The following STPG2 variants were observed in gnomAD, a reference collection of about 807,000 sequenced individuals.
STPG2 encodes the protein sperm tail PG-rich repeat containing 2, also known as sperm-tail PG-rich repeat-containing protein 2.
A neutral mutation model predicts 54.2 loss-of-function variants in STPG2; 56 were observed. That is an observed-to-expected ratio of 1.03 (90% CI 0.83 to 1.29). The LOEUF (loss-of-function observed/expected upper bound fraction) is 1.29. Ranked by LOEUF, STPG2 falls within the 50% of genes most tolerant of loss-of-function variation. The pLI, the probability that STPG2 is intolerant of heterozygous loss-of-function variation, is 0.00. For synonymous variants in STPG2, 200 were observed against 181.8 expected, an observed-to-expected ratio of 1.10 and a Z score of -0.81; for missense variants, 596 against 544.9, an observed-to-expected ratio of 1.09 and a Z score of -0.93.
At chr4:97,990,567 A>G (rs2149268880) in intron 5 of STPG2, among the ~76,000 whole-genome samples, 1 of 152,272 alleles carries the variant, frequency 6.6e-6, no homozygotes, top group Non-Finnish European at 1.5e-5. Flanking sequence ...GAGTATGGGA[A>G]TCTACTTTTT....
chr4:98,116,296 A>G (rs1270137361), intron 3 of STPG2, among the ~76,000 whole-genome samples: 6 of 151,938 alleles, frequency 3.9e-5, no homozygotes, highest in Non-Finnish European at 7.4e-5. Context: ...TTGAGATGTA[A>G]GTTATGAGTG....
chr4:97,903,543 G>A (rs1031181244), intron 8 of STPG2, among the ~76,000 whole-genome samples: 5 of 151,886 alleles, frequency 3.3e-5, no homozygotes, highest in East Asian at 1.9e-4. Flanking sequence ...GCCACAAGAC[G>A]GCTATTTTAA....
At chr4:98,022,370 T>C (rs1736243065) in intron 5 of STPG2, among the ~76,000 whole-genome samples, 1 of 152,158 alleles carries the variant, frequency 6.6e-6, no homozygotes, top group African/African-American at 2.4e-5. Flanking sequence ...GCTTGTAGAG[T>C]TTCTGCCAAG....
chr4:97,668,059 G>T (rs1427571386), intron 10 of STPG2, among the ~76,000 whole-genome samples: 1 of 152,018 alleles, frequency 6.6e-6, no homozygotes, highest in Non-Finnish European at 1.5e-5. Context: ...TGCCTCAAAA[G>T]AGCCAACTGC....
intron 5 of STPG2, among the ~76,000 whole-genome samples, chr4:97,984,036 C>A (rs1483835660): frequency 6.7e-6 from 1 of 149,434 alleles, no homozygotes; most frequent in Non-Finnish European, 1.5e-5. Context: ...AAAACCATAC[C>A]TCAGATTATC....
intron 4 of STPG2, among the ~76,000 whole-genome samples, chr4:97,487,537 A>AT (rs1343096534): frequency 5.9e-5 from 9 of 151,298 alleles, no homozygotes; most frequent in East Asian, 2.0e-4. Flanking sequence ...CCAACACACC[A>AT]TTTTTTTTAC....
intron 5 of STPG2, among the ~76,000 whole-genome samples, chr4:98,068,724 T>C (rs1737910064): frequency 6.6e-6 from 1 of 152,034 alleles, no homozygotes; most frequent in African/African-American, 2.4e-5. Flanking sequence ...CGTGAGGTGA[T>C]TTCATCATTG....
chr4:97,740,212 C>T (rs1409878081), intron 9 of STPG2, among the ~76,000 whole-genome samples: 4 of 152,118 alleles, frequency 2.6e-5, no homozygotes, highest in African/African-American at 7.2e-5. Context: ...TGGGACGTAT[C>T]TCAAAATAAT....
At chr4:97,688,443 T>C (rs1425169219) in intron 10 of STPG2, among the ~76,000 whole-genome samples, 1 of 152,184 alleles carries the variant, frequency 6.6e-6, no homozygotes, top group African/African-American at 2.4e-5. Context: ...CTCGGCTCAC[T>C]GGACGCTCTG....
At chr4:98,043,324 C>T (rs1258821895) in intron 5 of STPG2, among the ~76,000 whole-genome samples, 2 of 152,028 alleles carry the variant, frequency 1.3e-5, no homozygotes, top group African/African-American at 4.8e-5. Context: ...ATTTCATATA[C>T]ATCTTTAATA....
intron 5 of STPG2, among the ~76,000 whole-genome samples, chr4:98,057,480 TA>T (rs34699729): frequency 0.39 from 59,795 of 151,720 alleles, 11,984 homozygotes; most frequent in Middle Eastern, 0.46. Context: ...ACTTGCTTTC[TA>T]AAATAAGCCA....
intron 8 of STPG2, among the ~76,000 whole-genome samples, chr4:97,897,676 C>CCCCAA (rs1209371374): frequency 2.0e-5 from 3 of 152,138 alleles, no homozygotes; most frequent in Non-Finnish European, 2.9e-5. Context: ...AGCTCTGTTT[C>CCCCAA]ATGTGATTGC....
intron 4 of STPG2, among the ~76,000 whole-genome samples, chr4:97,534,996 A>G (rs2148856066): frequency 6.6e-6 from 1 of 152,316 alleles, no homozygotes. Flanking sequence ...TGATGAATGT[A>G]ATGCAATTTG....
At chr4:97,533,515 T>C (rs188529854) in intron 4 of STPG2, among the ~76,000 whole-genome samples, 22 of 152,158 alleles carry the variant, frequency 1.4e-4, no homozygotes, top group Admixed American at 1.4e-3. Flanking sequence ...ATCACCATCA[T>C]TTGAATCATA....
intron 10 of STPG2, among the ~76,000 whole-genome samples, chr4:97,601,003 T>C (rs148920248): frequency 2.4e-4 from 37 of 151,836 alleles, no homozygotes; most frequent in African/African-American, 7.0e-4. Context: ...GAAGAAGAAA[T>C]AGAAGGGAAA....
At chr4:97,675,175 G>T (rs1214585191) in intron 10 of STPG2, among the ~76,000 whole-genome samples, 1 of 151,982 alleles carries the variant, frequency 6.6e-6, no homozygotes, top group Non-Finnish European at 1.5e-5. Flanking sequence ...AGCTAATTGT[G>T]TATTTTTAGT....
chr4:97,942,271 T>C (rs1014338362), intron 8 of STPG2, among the ~76,000 whole-genome samples: 3 of 151,968 alleles, frequency 2.0e-5, no homozygotes, highest in Non-Finnish European at 4.4e-5. Context: ...TTTGAATCCA[T>C]TCAATGACTC....
intron 8 of STPG2, among the ~76,000 whole-genome samples, chr4:97,852,304 G>T (rs963690243): frequency 2.0e-5 from 3 of 152,160 alleles, no homozygotes; most frequent in African/African-American, 7.2e-5. Flanking sequence ...AGTATGGCAA[G>T]AACTATCCCT....
At chr4:97,600,713 GC>G (rs1733435802) in intron 10 of STPG2, among the ~76,000 whole-genome samples, 1 of 152,094 alleles carries the variant, frequency 6.6e-6, no homozygotes. Flanking sequence ...TATAGCACAG[GC>G]TATGCATATG....
Sources: allele counts gnomAD v4.1 joint callset (sites outside exome capture counted in the v4.1 genomes callset), GRCh38; gene constraint gnomAD v4.1.1; transcripts MANE v1.5; gene names NCBI Gene and HGNC (gene_info 2026-07-23, HGNC 2026-07-21).